VPS13A: variants seen among roughly 807,000 people sequenced by gnomAD.
The protein encoded by VPS13A is vacuolar protein sorting 13 homolog A, also known as intermembrane lipid transfer protein VPS13A.
VPS13A carries 264 observed loss-of-function variants against 390.9 expected under a neutral mutation model. The observed-to-expected ratio is 0.68, with a 90% confidence interval of 0.61 to 0.75. The LOEUF is 0.75. VPS13A is among the 30% of genes least tolerant of loss of function. The pLI is 0.00. For synonymous variants in VPS13A, 1,231 were observed against 1,227.1 expected, an observed-to-expected ratio of 1.00 and a Z score of -0.07; for missense variants, 3,409 against 3,733.9, an observed-to-expected ratio of 0.91 and a Z score of 2.27.
intron 68 of VPS13A, among the ~76,000 whole-genome samples, chr9:77,392,830 A>AAC (rs912720560): frequency 8.0e-5 from 12 of 150,916 alleles, no homozygotes; most frequent in African/African-American, 2.9e-4. Context: ...AAAAAAAAAA[A>AAC]TCCTGATCAT....
At chr9:77,389,936 TTTC>T (rs1463941690) in intron 68 of VPS13A, 4 of 278,114 alleles carry the variant, frequency 1.4e-5, no homozygotes, top group African/African-American at 9.2e-5. Flanking sequence ...GTCTTGTATA[TTTC>T]TTTTCTTTCA....
intron 45 of VPS13A, among the ~76,000 whole-genome samples, chr9:77,327,218 G>A (rs1325389534): frequency 6.6e-6 from 1 of 152,116 alleles, no homozygotes; most frequent in African/African-American, 2.4e-5. Context: ...TGATTAGGGT[G>A]GGAAGCTATA....
chr9:77,354,725 T>A (rs1181777540), intron 54 of VPS13A, among the ~76,000 whole-genome samples: 1 of 152,150 alleles, frequency 6.6e-6, no homozygotes, highest in Non-Finnish European at 1.5e-5. Context: ...ACCCCCATTG[T>A]GTCAGCTTAC....
intron 22 of VPS13A, among the ~76,000 whole-genome samples, chr9:77,258,884 G>GA (rs1825602606): frequency 6.6e-6 from 1 of 152,026 alleles, no homozygotes; most frequent in Non-Finnish European, 1.5e-5. Flanking sequence ...CAGGGTACCA[G>GA]AAAAAGTAGG....
intron 1 of VPS13A, among the ~76,000 whole-genome samples, chr9:77,188,641 G>A (rs901182918): frequency 6.6e-6 from 1 of 152,162 alleles, no homozygotes; most frequent in Non-Finnish European, 1.5e-5. Context: ...CCAGTAATGG[G>A]ATTGCTGGTT....
At chr9:77,207,163 A>G (rs1297835902) in intron 5 of VPS13A, among the ~76,000 whole-genome samples, 1 of 138,152 alleles carries the variant, frequency 7.2e-6, no homozygotes. Context: ...GCCCGCACCT[A>G]TATTACTAAA....
At chr9:77,397,180 G>A (rs1279525069) in intron 68 of VPS13A, among the ~76,000 whole-genome samples, 2 of 151,982 alleles carry the variant, frequency 1.3e-5, no homozygotes, top group South Asian at 2.1e-4. Flanking sequence ...TAGTGGAGAC[G>A]GGGTCTCACC....
intron 69 of VPS13A, among the ~76,000 whole-genome samples, chr9:77,405,623 G>T (rs1055406225): frequency 6.6e-6 from 1 of 152,104 alleles, no homozygotes; most frequent in Non-Finnish European, 1.5e-5. Context: ...ATTTGGAAGT[G>T]TTACTTTTAA....
intron 26 of VPS13A, among the ~76,000 whole-genome samples, chr9:77,278,055 T>A (rs1187253715): frequency 3.9e-5 from 6 of 151,918 alleles, no homozygotes; most frequent in Admixed American, 3.9e-4. Flanking sequence ...TAAGTTTTTT[T>A]TATTATTATT....
intron 1 of VPS13A, 66 bp downstream of exon 1, chr9:77,177,870 G>A: frequency 1.4e-6 from 2 of 1,443,828 alleles, no homozygotes; most frequent in Non-Finnish European, 1.9e-6. Flanking sequence ...TGCCCGAGCG[G>A]CGTCCTGCGT....
chr9:77,357,337 A>G (rs1831861482), intron 55 of VPS13A, among the ~76,000 whole-genome samples: 2 of 147,458 alleles, frequency 1.4e-5, no homozygotes, highest in African/African-American at 4.9e-5. Flanking sequence ...AAAAAAAAAA[A>G]AAAAAGAAAA....
chr9:77,391,327 A>C (rs1833887871), intron 68 of VPS13A, among the ~76,000 whole-genome samples: 1 of 152,184 alleles, frequency 6.6e-6, no homozygotes, highest in Admixed American at 6.5e-5. Context: ...ACATTATGAA[A>C]AGTCTATTTT....
At chr9:77,229,026 G>A (rs999910176) in intron 17 of VPS13A, among the ~76,000 whole-genome samples, 1 of 152,044 alleles carries the variant, frequency 6.6e-6, no homozygotes, top group African/African-American at 2.4e-5. Flanking sequence ...GATTTGGGTC[G>A]GGACACAGAG....
intron 3 of VPS13A, among the ~76,000 whole-genome samples, chr9:77,204,146 A>G (rs919397873): frequency 4.6e-5 from 7 of 152,208 alleles, no homozygotes; most frequent in African/African-American, 1.7e-4. Flanking sequence ...CATGAGATGG[A>G]TCTAAGTGGA....
chr9:77,370,865 AT>A, intron 65 of VPS13A, 24 bp from the exon 66 acceptor site: 3 of 1,612,070 alleles, frequency 1.9e-6, no homozygotes, highest in Non-Finnish European at 2.5e-6. Flanking sequence ...AGTATTGTAA[AT>A]TTTCAGTTGT....
rs1192138444 is a variant in VPS13A, at chr9:77,366,763, GAAGCTAAAGATTCAA to G, written c.8365_8379del (p.Ala2789_Lys2793del). The G allele has an allele frequency of 1.2e-6, 2 of 1,613,090 alleles. No individual in the cohort carries two copies. Among genetic ancestry groups the G allele is most frequent in the Admixed American group, 3.3e-5 (2 of 59,976 alleles). The stretch of plus-strand genomic sequence containing the variant: ...TGTTTCACTGAGTTCCGGCAGAGAA[GAAGCTAAAGATTCAA>G]AACAAAATGGAGGACTGATTCCAGT... On this transcript the variant is annotated inframe_deletion, in exon 61 of 72. Coordinates refer to ENST00000360280, the MANE Select transcript of VPS13A (RefSeq NM_033305.3).
intron 19 of VPS13A, among the ~76,000 whole-genome samples, chr9:77,246,951 G>A (rs1824852190): frequency 6.6e-6 from 1 of 150,726 alleles, no homozygotes; most frequent in South Asian, 2.1e-4. Flanking sequence ...GTTGTTGTGA[G>A]TAAATATTTT....
chr9:77,263,253 C>G (rs1825856713), intron 23 of VPS13A, among the ~76,000 whole-genome samples: 1 of 151,942 alleles, frequency 6.6e-6, no homozygotes, highest in Admixed American at 6.6e-5. Flanking sequence ...ACTACAGGTG[C>G]TCACCACCAC....
At chr9:77,404,174 C>T (rs1285230822) in intron 69 of VPS13A, among the ~76,000 whole-genome samples, 10 of 152,188 alleles carry the variant, frequency 6.6e-5, no homozygotes, top group African/African-American at 4.8e-5. Context: ...ACCCCAGATA[C>T]TGGTCCCTCT....
Sources: allele counts gnomAD v4.1 joint callset (sites outside exome capture counted in the v4.1 genomes callset), GRCh38; gene constraint gnomAD v4.1.1; transcripts MANE v1.5; gene names NCBI Gene and HGNC (gene_info 2026-07-23, HGNC 2026-07-21).